Variants in TRIM35 observed in about 807,000 individuals in gnomAD.
TRIM35 encodes the protein E3 ubiquitin-protein ligase TRIM35.
Under a neutral mutation model 49.1 loss-of-function variants are expected in TRIM35, and 37 were observed. The observed-to-expected ratio is 0.75, with a 90% confidence interval of 0.58 to 0.99. The LOEUF (loss-of-function observed/expected upper bound fraction) is 0.99, where lower values mean the gene tolerates loss of function less well. Ranked by LOEUF, TRIM35 falls within the 50% of genes least tolerant of loss-of-function variation. The pLI is 0.00. For synonymous variants in TRIM35, 302 were observed against 289.3 expected (o/e 1.04, Z -0.45); for missense variants, 648 against 702.7 (o/e 0.92, Z 0.88).
At chr8:27,299,472 A>G (rs763749548) in intron 1 of TRIM35, among the ~76,000 whole-genome samples, 3 of 152,330 alleles carry the variant, frequency 2.0e-5, no homozygotes, top group Non-Finnish European at 4.4e-5. Flanking sequence ...TCCCTAGTAG[A>G]TAAGTAATAT....
rs1232234794 is a variant in TRIM35, at chr8:27,289,182, A to G, written c.884T>C (p.Met295Thr). 2.5e-6 allele frequency: 4 copies of G among 1,614,012 alleles called. No homozygotes were observed. Among genetic ancestry groups the G allele is most frequent in the Non-Finnish European group, 2.5e-6 (3 of 1,179,914 alleles). ...GSLQYRVWKK[M>T]LASVESVPFS... ...CTCACCAGATTCCACAGATGCAAGC[A>G]TCTTCTTCCAGACGCGGTACTGCAG... Residue 295 changes from methionine (M) to threonine (T), a missense_variant, in exon 5 of 6, where the codon ATG becomes ACG. Coordinates refer to ENST00000305364, the MANE Select transcript of TRIM35 (RefSeq NM_171982.5).
At chr8:27,310,507 C>T (rs749623302) in intron 1 of TRIM35, among the ~76,000 whole-genome samples, 1 of 152,268 alleles carries the variant, frequency 6.6e-6, no homozygotes, top group Non-Finnish European at 1.5e-5. Flanking sequence ...CCGGCTGGCA[C>T]AAGGGGTGCA....
Position 27,287,316 on chromosome 8 carries a change from T to G in TRIM35, c.*234A>C. 1.9e-6 allele frequency: 1 copy of G among 517,102 alleles called. No homozygotes were observed. Among genetic ancestry groups the G allele is most frequent in the East Asian group, 3.2e-5 (1 of 31,634 alleles). 32.0% of individuals were successfully genotyped at this position (517,102 alleles called of 1,614,324 possible). A position where few individuals can be genotyped will look rare whatever the true frequency, so the allele number is the denominator to read the frequency against. ...ATTCACATTGTGGAGGTGCCACGAC[T>G]CGGGAGAGCCTGGCCAGCGAGGTGC... On this transcript the variant is annotated 3_prime_UTR_variant, in exon 6 of 6. Coordinates refer to ENST00000305364, the MANE Select transcript of TRIM35 (RefSeq NM_171982.5). This position sits in a 1 kb window ranked among gnomAD's most constrained non-coding sequence, Gnocchi z 6.0.
chr8:27,307,964 C>T (rs1460256542), intron 1 of TRIM35, among the ~76,000 whole-genome samples: 1 of 152,160 alleles, frequency 6.6e-6, no homozygotes, highest in Non-Finnish European at 1.5e-5. Context: ...CCTGGATTAC[C>T]TGGGTGGGCC....
chr8:27,293,170 T>C (rs966200028), intron 3 of TRIM35, among the ~76,000 whole-genome samples: 2 of 152,036 alleles, frequency 1.3e-5, no homozygotes, highest in Non-Finnish European at 2.9e-5. Flanking sequence ...AACAGATAAC[T>C]GTCCCTGTCG....
chr8:27,304,428 C>T (rs1017293647), intron 1 of TRIM35, among the ~76,000 whole-genome samples: 3 of 152,236 alleles, frequency 2.0e-5, no homozygotes, highest in African/African-American at 7.2e-5. Context: ...GAAAACTCGG[C>T]TCTAGTACCC....
rs142936591 is a variant in TRIM35 at position 27,288,087 on chromosome 8, G to C, written c.945C>G (p.Leu315=). The C allele has an allele frequency of 3.1e-6, 5 of 1,611,186 alleles. No homozygotes were observed. The highest frequency in any genetic ancestry group is 1.3e-5 in the African/African-American group (1 of 75,046). Residue 315 remains leucine, a synonymous_variant, in exon 6 of 6, where the codon CTC becomes CTG. Transcript: ENST00000305364. ...SFDPNTAAGW[L]SVSDDLTSVT... ...CGCTGGTGAGGTCGTCAGACACGGA[G>C]AGCCAGCCAGCTGCGGTGTTGGGGT...
At chr8:27,307,459 C>CCCA (rs1426305656) in intron 1 of TRIM35, among the ~76,000 whole-genome samples, 1 of 152,208 alleles carries the variant, frequency 6.6e-6, no homozygotes, top group East Asian at 1.9e-4. Context: ...CTTACAATCT[C>CCCA]CCACCACATC....
chr8:27,307,042 G>A (rs1171883578), intron 1 of TRIM35, among the ~76,000 whole-genome samples: 2 of 152,148 alleles, frequency 1.3e-5, no homozygotes, highest in Admixed American at 6.5e-5. Flanking sequence ...AACTCTCACT[G>A]GCTAGACTAT....
intron 2 of TRIM35, among the ~76,000 whole-genome samples, chr8:27,296,027 G>C (rs1013294898): frequency 6.6e-6 from 1 of 152,156 alleles, no homozygotes; most frequent in African/African-American, 2.4e-5. Context: ...TATTATGCTT[G>C]TGAAAAGATG....
At position 27,294,325 on chromosome 8, in the gene TRIM35, A is replaced by G; in HGVS notation, c.532-15T>C. On this transcript the variant is annotated splice_polypyrimidine_tract_variant and intron_variant, in intron 2 of 5. Coordinates refer to ENST00000305364, the MANE Select transcript of TRIM35 (RefSeq NM_171982.5). ...GCAGCCTCCACCTACGGAAGACAGC[A>G]GGAGGAGTCAGGGGTCAGATGTGGA... The G allele has an allele frequency of 1.2e-6, 2 of 1,609,282 alleles. No homozygotes were observed. Among genetic ancestry groups the G allele is most frequent in the Non-Finnish European group, 8.5e-7 (1 of 1,177,966 alleles).
chr8:27,300,428 A>G (rs180900895), intron 1 of TRIM35, among the ~76,000 whole-genome samples: 2 of 141,322 alleles, frequency 1.4e-5, no homozygotes, highest in Non-Finnish European at 3.1e-5. Context: ...TAGCCCACAG[A>G]ACCCTGACTG....
intron 1 of TRIM35, chr8:27,305,000 T>G (rs559628935): frequency 2.8e-6 from 1 of 357,094 alleles, no homozygotes; most frequent in African/African-American, 2.1e-5. Context: ...CACCTCTACC[T>G]AGTAGCAGGT....
At chr8:27,310,543 G>A (rs528658444) in intron 1 of TRIM35, among the ~76,000 whole-genome samples, 1 of 152,396 alleles carries the variant, frequency 6.6e-6, no homozygotes, top group Non-Finnish European at 1.5e-5. Context: ...AGAAGCAAGT[G>A]TCGCTGTCTT....
intron 3 of TRIM35, among the ~76,000 whole-genome samples, chr8:27,291,162 C>T (rs892700815): frequency 4.0e-5 from 6 of 149,668 alleles, no homozygotes; most frequent in African/African-American, 7.4e-5. Context: ...GAGCTAAAAC[C>T]GATAAAAAAC....
In TRIM35 at chr8:27,311,209, G is replaced by C. The variant is rs761766074; in HGVS notation, c.27C>G (p.Pro9=). 8.2e-6 allele frequency: 13 copies of C among 1,586,420 alleles called. No individual in the cohort carries two copies. The highest frequency in any genetic ancestry group is 4.0e-5 in the African/African-American group (3 of 74,512). ...CCTCCTTGAAGGAGCGGGAAGGCCC[G>C]GGGGACACGTCGGGACTCCGCTCCA... MERSPDVS[P]GPSRSFKEEL... is the part of the protein sequence containing the mutation. Residue 9 remains proline (P), a synonymous_variant, in exon 1 of 6, where the codon CCC becomes CCG. Coordinates refer to ENST00000305364, the MANE Select transcript of TRIM35 (RefSeq NM_171982.5).
rs1241953438 is a variant in TRIM35 at position 27,287,782 on chromosome 8, G to A, written c.1250C>T (p.Thr417Met). The A allele has an allele frequency of 2.5e-6, 4 of 1,610,400 alleles. No individual in the cohort carries two copies. The highest frequency in any genetic ancestry group is 2.2e-5 in the South Asian group (2 of 90,426). The change falls in exon 6 of 6, where the codon ACG becomes ATG. Residue 417 changes from threonine (T) to methionine (M), a missense_variant. Thr to Met is a moderately conservative substitution (Grantham distance 81, BLOSUM62 -1). Coordinates refer to ENST00000305364, the MANE Select transcript of TRIM35 (RefSeq NM_171982.5). The surrounding 1 kb of genome is among the most constrained non-coding windows in gnomAD (Gnocchi z 6.0). Reference sequence around the variant, plus strand: ...TGGGATGGCCAGGACCAGGGGCGACGTGGCTGGGTCCGAGGTCACGCAGTG... The same window carrying A: ...TGGGATGGCCAGGACCAGGGGCGACATGGCTGGGTCCGAGGTCACGCAGTG... ...GDHCVTSDPA[T>M]SPLVLAIPRR...
rs202146006 is a variant in TRIM35, at chr8:27,287,594, T to C, written c.1438A>G (p.Ile480Val). Residue 480 changes from isoleucine (I) to valine (V), a missense_variant, in exon 6 of 6, where the codon ATC (isoleucine) becomes GTC (valine). Physicochemically the swap from Ile to Val is conservative, Grantham distance 29. Transcript: ENST00000305364. The surrounding 1 kb of genome is among the most constrained non-coding windows in gnomAD (Gnocchi z 6.0). ...TTGACACTGATGTGCAAGGGGCAGATGCGCAAAGGCTCTGGAGGCCCGGCG... is the reference window on the plus strand; with the variant it reads ...TTGACACTGATGTGCAAGGGGCAGACGCGCAAAGGCTCTGGAGGCCCGGCG... ...RGAGPPEPLRICPLHISVKEE... is the reference protein window; with the variant it reads ...RGAGPPEPLRVCPLHISVKEE... The C allele has an allele frequency of 1.6e-4, 253 of 1,604,222 alleles. No individual in the cohort carries two copies. The highest frequency in any genetic ancestry group is 1.6e-4 in the Middle Eastern group (1 of 6,072).
chr8:27,307,097 G>A lies in TRIM35; in HGVS notation c.435+3704C>T, dbSNP rs148763614. ...GCATACTTGTTCAAGTTTGAGAAACGCCAGACTAGGATTTCTGAAGGTCCT... is the reference window on the plus strand; with the variant it reads ...GCATACTTGTTCAAGTTTGAGAAACACCAGACTAGGATTTCTGAAGGTCCT... On this transcript the variant is annotated intron_variant, in intron 1 of 5. Transcript: ENST00000305364. 4.5e-4 allele frequency among the ~76,000 whole-genome samples: 69 copies of A among 152,130 alleles called. No homozygotes were observed. The East Asian group carries it at 8.7e-3, about 19-fold the overall frequency.
Sources: gnomAD v4.1 joint callset for allele counts (sites outside exome capture counted in the v4.1 genomes callset) on GRCh38, gnomAD v4.1.1 for gene constraint, Gnocchi (gnomAD v3.1) non-coding constraint, MANE v1.5 for transcripts, NCBI Gene and HGNC (gene_info 2026-07-23, HGNC 2026-07-21) for gene names.